The following ANKRD18A variants were observed in gnomAD, a reference collection of about 807,000 sequenced individuals.
The protein encoded by ANKRD18A is ankyrin repeat domain 18A.
Under a neutral mutation model 110.6 loss-of-function variants are expected in ANKRD18A, and 72 were observed. That is an observed-to-expected ratio of 0.65 (90% confidence interval 0.54 to 0.79). The LOEUF (loss-of-function observed/expected upper bound fraction) is 0.79. Ranked by LOEUF, ANKRD18A falls within the 30% of genes least tolerant of loss-of-function variation. The pLI, the probability that ANKRD18A is intolerant of heterozygous loss-of-function variation, is 0.00. For synonymous variants in ANKRD18A, 305 were observed against 410.3 expected, an observed-to-expected ratio of 0.74 and a Z score of 3.10; for missense variants, 934 against 1,163.3, an observed-to-expected ratio of 0.80 and a Z score of 2.87.
intron 11 of ANKRD18A, among the ~76,000 whole-genome samples, chr9:38,586,553 G>GTT (rs200249641): frequency 1.8e-4 from 27 of 151,252 alleles, no homozygotes; most frequent in African/African-American, 5.3e-4. Flanking sequence ...TACAGTTTTT[G>GTT]GTTTTTTTTT....
chr9:38,577,050 T>C lies in ANKRD18A; in HGVS notation c.2741+3A>G, dbSNP rs1823924412. The C allele has an allele frequency of 1.3e-6, 2 of 1,543,938 alleles. No individual in the cohort carries two copies. Among genetic ancestry groups the C allele is most frequent in the East Asian group, 4.9e-5 (2 of 40,746 alleles). On this transcript the variant is annotated splice_donor_region_variant and intron_variant, in intron 14 of 15. Coordinates refer to ENST00000399703, the MANE Select transcript of ANKRD18A (RefSeq NM_147195.4). ...TTTTCTATGAGTGTATGTTTTGACTTACTTCATTAATTTTTTTGACATGGA... is the reference window on the plus strand; with the variant it reads ...TTTTCTATGAGTGTATGTTTTGACTCACTTCATTAATTTTTTTGACATGGA...
chr9:38,580,986 C>T (rs577371610), intron 12 of ANKRD18A, among the ~76,000 whole-genome samples: 1 of 152,338 alleles, frequency 6.6e-6, no homozygotes, highest in South Asian at 2.1e-4. Context: ...CATCAACCAT[C>T]AAACACATGG....
chr9:38,585,386 T>C (rs1380657235), intron 12 of ANKRD18A, among the ~76,000 whole-genome samples: 1 of 152,226 alleles, frequency 6.6e-6, no homozygotes, highest in African/African-American at 2.4e-5. Context: ...TCCTTTTTGA[T>C]GTCCCACTTT....
chr9:38,603,885 T>C (rs556742354), intron 6 of ANKRD18A, among the ~76,000 whole-genome samples: 2 of 152,218 alleles, frequency 1.3e-5, no homozygotes, highest in Non-Finnish European at 2.9e-5. Flanking sequence ...ATATTTATTA[T>C]CCCAATACCC....
intron 10 of ANKRD18A, among the ~76,000 whole-genome samples, chr9:38,593,061 T>A (rs1824722982): frequency 6.6e-6 from 1 of 152,228 alleles, no homozygotes; most frequent in Non-Finnish European, 1.5e-5. Context: ...CACTGAGTTG[T>A]ACATTTTAAA....
At chr9:38,569,100 G>T, downstream of ANKRD18A, 6 of 985,418 alleles carry the variant, frequency 6.1e-6, no homozygotes, top group Non-Finnish European at 7.2e-6. Context: ...ACCCACCAAG[G>T]GGGGTCAGAT....
chr9:38,602,733 C>T (rs1587526972), intron 7 of ANKRD18A, among the ~76,000 whole-genome samples: 2 of 152,166 alleles, frequency 1.3e-5, no homozygotes, highest in South Asian at 4.1e-4. Context: ...TATAATGTTG[C>T]TATCACAGCT....
Position 38,595,931 on chromosome 9 carries a change from T to G in ANKRD18A, c.1409A>C (p.Glu470Ala). The change falls in exon 9 of 16, where the codon GAG becomes GCG. Residue 470 changes from glutamate to alanine, a missense_variant. Physicochemically the swap from Glu to Ala is moderately radical, Grantham distance 107 (BLOSUM62 -1). This residue lies in a region of ANKRD18A where 630 missense variants were observed against 797.5 expected (regional missense o/e 0.79). Transcript: ENST00000399703. ...TTTATGGACCTGTTCAGTAAGCAAC[T>G]CATTCTTATCTGTTAGTTGAGAAAT... ...SNISQLTDKN[E>A]LLTEQVHKAR... 1 of 1,550,932 alleles carries G rather than the reference T, an allele frequency of 6.4e-7. No individual in the cohort carries two copies. The highest frequency in any genetic ancestry group is 8.7e-7 in the Non-Finnish European group (1 of 1,146,570).
intron 13 of ANKRD18A, 48 bp downstream of exon 13, chr9:38,577,819 T>C: frequency 6.5e-7 from 1 of 1,526,992 alleles, no homozygotes; most frequent in South Asian, 1.3e-5. Flanking sequence ...TGCAGTGAAA[T>C]AAATGAAAGC....
At position 38,598,494 on chromosome 9, in the gene ANKRD18A, T is replaced by C. The variant is rs1473108101; in HGVS notation, c.937-2091A>G. 7.2e-5 allele frequency among the ~76,000 whole-genome samples: 11 copies of C among 152,332 alleles called. 1 individual carries two copies. The Middle Eastern group carries it at 0.01, about 141-fold the overall frequency. ...AAACCAGAACGGATCAGATAACTTA[T>C]AATAAGAGAAGCAGCAAAGGAACCT... On this transcript the variant is annotated intron_variant, in intron 8 of 15. Transcript: ENST00000399703.
chr9:38,603,375 TAATGAAC>T (rs1157863868), intron 6 of ANKRD18A, among the ~76,000 whole-genome samples, 163 bp from the exon 7 acceptor site: 1 of 152,198 alleles, frequency 6.6e-6, no homozygotes, highest in East Asian at 1.9e-4. Flanking sequence ...GAATGGCATC[TAATGAAC>T]ATACCAAATA....
chr9:38,620,000 T>TC, intron 1 of ANKRD18A, 80 bp downstream of exon 1: 1 of 1,508,136 alleles, frequency 6.6e-7, no homozygotes, highest in East Asian at 2.5e-5. Context: ...CCCTCCAAGG[T>TC]CCCCGCCCCA....
At chr9:38,598,182 T>C (rs553949783) in intron 8 of ANKRD18A, among the ~76,000 whole-genome samples, 2 of 152,214 alleles carry the variant, frequency 1.3e-5, no homozygotes, top group African/African-American at 4.8e-5. Context: ...ATAAATGTAA[T>C]TCATCTTTAA....
intron 10 of ANKRD18A, among the ~76,000 whole-genome samples, chr9:38,592,919 G>A (rs889408415): frequency 3.3e-5 from 5 of 152,200 alleles, no homozygotes; most frequent in African/African-American, 1.2e-4. Flanking sequence ...GCCTACAACT[G>A]GGGTAGGTGG....
intron 10 of ANKRD18A, among the ~76,000 whole-genome samples, chr9:38,592,039 G>C (rs1179336212): frequency 1.3e-5 from 2 of 152,158 alleles, no homozygotes; most frequent in East Asian, 3.8e-4. Context: ...CAGAAATACA[G>C]TTTTGGCTAC....
intron 9 of ANKRD18A, 116 bp from the exon 10 acceptor site, chr9:38,594,025 C>T (rs1765486190): frequency 9.1e-7 from 1 of 1,103,150 alleles, no homozygotes; most frequent in Non-Finnish European, 1.2e-6. Context: ...GATTCACTTT[C>T]TTTTCCTCAT....
intron 3 of ANKRD18A, among the ~76,000 whole-genome samples, chr9:38,614,219 G>GTTTTTT (rs58955752): frequency 3.3e-3 from 227 of 68,782 alleles, no homozygotes; most frequent in Non-Finnish European, 4.3e-3. Flanking sequence ...GAACACTGAG[G>GTTTTTT]TTTTTTTTTT....
At chr9:38,599,314 A>G (rs1047749497) in intron 8 of ANKRD18A, among the ~76,000 whole-genome samples, 16 of 152,136 alleles carry the variant, frequency 1.1e-4, no homozygotes, top group African/African-American at 3.9e-4. Context: ...CTGCTTCCTC[A>G]CCATCAGGGA....
intron 12 of ANKRD18A, among the ~76,000 whole-genome samples, chr9:38,578,726 T>A (rs1481219623): frequency 6.6e-6 from 1 of 151,910 alleles, no homozygotes; most frequent in Non-Finnish European, 1.5e-5. Flanking sequence ...AAAAAACAAA[T>A]TTAAAAAATT....
Sources: gnomAD v4.1 joint callset for allele counts (sites outside exome capture counted in the v4.1 genomes callset) on GRCh38, gnomAD v4.1.1 for gene constraint, gnomAD v4.1.1 regional missense constraint, MANE v1.5 for transcripts, NCBI Gene and HGNC (gene_info 2026-07-23, HGNC 2026-07-21) for gene names.